FUT8: variants seen among roughly 807,000 people sequenced by gnomAD.
The protein encoded by FUT8 is fucosyltransferase 8.
In FUT8, 29 loss-of-function variants were observed where a neutral mutation model predicts 71.3. That is an observed-to-expected ratio of 0.41 (90% confidence interval 0.30 to 0.55). The LOEUF (loss-of-function observed/expected upper bound fraction) is 0.55, where lower values mean the gene tolerates loss of function less well. Among genes scored for constraint, FUT8 ranks in the 20% least tolerant of loss-of-function variants. FUT8 has a pLI of 0.34. For synonymous variants in FUT8, 254 were observed against 239.3 expected (o/e 1.06, Z -0.57); for missense variants, 544 against 702.1 (o/e 0.77, Z 2.55).
At chr14:65,402,248 G>T in the FUT8 span, among the ~76,000 whole-genome samples, 1 of 140,972 alleles carries the variant, frequency 7.1e-6, no homozygotes, top group Admixed American at 7.6e-5. Flanking sequence ...CTGTCCCACA[G>T]GCTGGAATGC....
chr14:65,719,253 A>C (rs1895281682), intron 7 of FUT8, among the ~76,000 whole-genome samples: 2 of 152,020 alleles, frequency 1.3e-5, no homozygotes, highest in Non-Finnish European at 2.9e-5. Context: ...TAAGAGACTC[A>C]GTATGTCAGC....
At chr14:65,437,916 A>AT (rs941596600) in intron 1 of FUT8, among the ~76,000 whole-genome samples, 4 of 151,632 alleles carry the variant, frequency 2.6e-5, no homozygotes, top group Admixed American at 1.3e-4. Context: ...AGTGATAGTG[A>AT]TTTTTTTTCT....
intron 7 of FUT8, among the ~76,000 whole-genome samples, chr14:65,672,235 C>T (rs1467973845): frequency 2.0e-5 from 3 of 152,116 alleles, no homozygotes; most frequent in East Asian, 1.9e-4. Flanking sequence ...AAATATTTCC[C>T]ATCACCTGTA....
At chr14:65,631,137 G>T (rs756580637) in intron 6 of FUT8, among the ~76,000 whole-genome samples, 1 of 152,156 alleles carries the variant, frequency 6.6e-6, no homozygotes, top group African/African-American at 2.4e-5. Context: ...CCTCCTGTAG[G>T]GAAGAGGTAA....
Position 65,472,711 on chromosome 14 carries a change from AATTT to A in FUT8, c.-228+16994_-228+16997del, listed in dbSNP as rs1197415507. Among the ~76,000 whole-genome samples, 2 of 152,166 alleles carry A rather than the reference AATTT, an allele frequency of 1.3e-5. No homozygotes were observed. Among genetic ancestry groups the A allele is most frequent in the African/African-American group, 2.4e-5 (1 of 41,436 alleles). ...ATACTTTGGATTTATGGAACCAATT[AATTT>A]GATGACTCATTTACATTGAATTTCT... On this transcript the variant is annotated intron_variant, in intron 2 of 10. Transcript: ENST00000673929. This position sits in a 1 kb window ranked among gnomAD's most constrained non-coding sequence, Gnocchi z 4.4.
At position 65,743,271 on chromosome 14, in the gene FUT8, G is replaced by C. The variant is rs1896592526; in HGVS notation, c.*861G>C. ...TTACTTTGTTTTTTTTCCTGTTTCT[G>C]ATATAGTAACTAATTCTTAACTCAG... On this transcript the variant is annotated 3_prime_UTR_variant, in exon 11 of 11. Transcript: ENST00000673929. 2 of 151,584 alleles carry C rather than the reference G, an allele frequency of 1.3e-5. No individual in the cohort carries two copies. The highest frequency in any genetic ancestry group is 4.2e-4 in the South Asian group (2 of 4,812). The allele number at this position is 151,584 out of a possible 1,614,324, so 9.4% of individuals were successfully genotyped here.
At chr14:65,725,554 A>G (rs1191992893) in intron 9 of FUT8, among the ~76,000 whole-genome samples, 1 of 152,180 alleles carries the variant, frequency 6.6e-6, no homozygotes, top group Non-Finnish European at 1.5e-5. Flanking sequence ...CTCAGATACT[A>G]TCTCCTCCAG....
the FUT8 span, among the ~76,000 whole-genome samples, chr14:65,371,732 C>G: frequency 6.6e-6 from 1 of 152,168 alleles, no homozygotes; most frequent in Non-Finnish European, 1.5e-5. Flanking sequence ...TTTTCTGACA[C>G]AACACATTTT....
the FUT8 span, among the ~76,000 whole-genome samples, chr14:65,388,796 T>C: frequency 6.6e-6 from 1 of 151,906 alleles, no homozygotes; most frequent in African/African-American, 2.4e-5. Flanking sequence ...AAATAATCCA[T>C]CAATATCAGA....
chr14:65,492,959 C>G (rs1169228136), intron 2 of FUT8, among the ~76,000 whole-genome samples: 1 of 152,002 alleles, frequency 6.6e-6, no homozygotes. Context: ...TCCCCACTCC[C>G]TCTCTGTCTC....
chr14:65,596,155 G>GT (rs983205932), intron 3 of FUT8, among the ~76,000 whole-genome samples: 75 of 152,204 alleles, frequency 4.9e-4, no homozygotes, highest in East Asian at 1.9e-3. Flanking sequence ...GCTCTGTGGG[G>GT]TTTTTTTACC....
chr14:65,447,358 T>C (rs578083233), intron 1 of FUT8, among the ~76,000 whole-genome samples: 8 of 151,738 alleles, frequency 5.3e-5, no homozygotes, highest in Admixed American at 5.2e-4. Context: ...TTGGTGAATA[T>C]AAGCTGCATT....
Position 65,691,538 on chromosome 14 carries a change from C to T in FUT8, c.835+22058C>T, listed in dbSNP as rs74821519. Among the ~76,000 whole-genome samples, 526 of 152,174 alleles carry T rather than the reference C, an allele frequency of 3.5e-3. 18 individuals are homozygous for T. In the East Asian group the frequency reaches 0.061, roughly 18 times the overall value. ...TGATGGACTATCTTGATTGATTTTT[C>T]GATGATGAACTAGCACTGGATGTCT... is the stretch of plus-strand genomic sequence containing the variant. On this transcript the variant is annotated intron_variant, in intron 7 of 10. Transcript: ENST00000673929.
chr14:65,379,666 C>T, the FUT8 span, among the ~76,000 whole-genome samples: 184 of 152,224 alleles, frequency 1.2e-3, 1 homozygote, highest in African/African-American at 4.2e-3. Flanking sequence ...GAAAAGGGGG[C>T]CTGATTATTT....
intron 7 of FUT8, among the ~76,000 whole-genome samples, chr14:65,692,054 C>T (rs1224922525): frequency 1.3e-5 from 2 of 151,912 alleles, no homozygotes; most frequent in Admixed American, 6.6e-5. Flanking sequence ...CCCCACCTTT[C>T]CCCCCTTTCT....
At chr14:65,564,528 A>G (rs964250936) in intron 3 of FUT8, among the ~76,000 whole-genome samples, 1 of 152,008 alleles carries the variant, frequency 6.6e-6, no homozygotes, top group African/African-American at 2.4e-5. Flanking sequence ...TGTAAATCTG[A>G]TCTATTGATG....
chr14:65,670,009 G>C (rs1276009376), intron 7 of FUT8, among the ~76,000 whole-genome samples: 1 of 152,092 alleles, frequency 6.6e-6, no homozygotes, highest in Admixed American at 6.6e-5. Flanking sequence ...GGACCTTGCT[G>C]GTAACTTTAT....
chr14:65,650,707 C>CAAAAAAA (rs57971519), intron 6 of FUT8, among the ~76,000 whole-genome samples: 30 of 118,932 alleles, frequency 2.5e-4, no homozygotes, highest in African/African-American at 6.1e-4. Context: ...CTGCTAATTA[C>CAAAAAAA]AAAAAAAAAA....
At chr14:65,736,003 C>T (rs933983920) in intron 10 of FUT8, among the ~76,000 whole-genome samples, 2 of 152,054 alleles carry the variant, frequency 1.3e-5, no homozygotes, top group African/African-American at 4.8e-5. Flanking sequence ...AATGCCAAAC[C>T]ATTGACCACT....
Sources: gnomAD v4.1 joint callset for allele counts (sites outside exome capture counted in the v4.1 genomes callset) on GRCh38, gnomAD v4.1.1 for gene constraint, Gnocchi (gnomAD v3.1) non-coding constraint, MANE v1.5 for transcripts, NCBI Gene and HGNC (gene_info 2026-07-23, HGNC 2026-07-21) for gene names.